CCDC81: variants seen among roughly 807,000 people sequenced by gnomAD.
CCDC81 encodes coiled-coil domain-containing protein 81.
Under a neutral mutation model 83.7 loss-of-function variants are expected in CCDC81, and 79 were observed. The ratio of observed to expected loss-of-function variants is 0.94; its 90% CI spans 0.79 to 1.14. The LOEUF (loss-of-function observed/expected upper bound fraction) is 1.14, where lower values mean the gene tolerates loss of function less well. Among genes scored for constraint, CCDC81 ranks in the 50% most tolerant of loss-of-function variants. The probability of loss-of-function intolerance (pLI) is 0.00; values close to 1 mark genes in which losing one functional copy is unlikely to be tolerated. For synonymous variants in CCDC81, 252 were observed against 278.1 expected, an observed-to-expected ratio of 0.91 and a Z score of 0.93; for missense variants, 791 against 778.1, an observed-to-expected ratio of 1.02 and a Z score of -0.20.
intron 3 of CCDC81, among the ~76,000 whole-genome samples, chr11:86,391,972 C>G (rs1412048308): frequency 6.6e-6 from 1 of 152,272 alleles, no homozygotes; most frequent in East Asian, 1.9e-4. Flanking sequence ...GTGCTACACA[C>G]TTTTAAACAA....
intron 1 of CCDC81, among the ~76,000 whole-genome samples, chr11:86,379,759 TGGAGTCCA>T (rs1948151317): frequency 2.0e-5 from 3 of 152,138 alleles, no homozygotes; most frequent in African/African-American, 7.2e-5. Context: ...GGAGAATCGC[TGGAGTCCA>T]GGAGTCCAGG....
At chr11:86,398,900 C>G (rs1948445487) in intron 6 of CCDC81, among the ~76,000 whole-genome samples, 2 of 152,112 alleles carry the variant, frequency 1.3e-5, no homozygotes, top group South Asian at 4.1e-4. Context: ...GTCCTAGGGA[C>G]CCCAAAAAGT....
At chr11:86,402,767 C>T (rs757178608) in intron 7 of CCDC81, among the ~76,000 whole-genome samples, 9 of 151,990 alleles carry the variant, frequency 5.9e-5, no homozygotes, top group Admixed American at 2.6e-4. Context: ...TTGCTAATAC[C>T]ATAGCAAAGT....
intron 13 of CCDC81, among the ~76,000 whole-genome samples, chr11:86,415,540 A>G (rs1425337167): frequency 6.6e-6 from 1 of 152,198 alleles, no homozygotes; most frequent in Non-Finnish European, 1.5e-5. Flanking sequence ...AAATGTTATT[A>G]AATAAATTTT....
chr11:86,403,330 A>G (rs1235667362), intron 7 of CCDC81, among the ~76,000 whole-genome samples: 1 of 152,036 alleles, frequency 6.6e-6, no homozygotes, highest in East Asian at 1.9e-4. Context: ...GTATGTTTTA[A>G]ACATTTTCCC....
At chr11:86,397,520 C>CA in intron 5 of CCDC81, 101 bp from the exon 6 acceptor site, 1 of 1,413,340 alleles carries the variant, frequency 7.1e-7, no homozygotes, top group South Asian at 1.4e-5. Context: ...GGGCTTATTT[C>CA]AGAATCAGCC....
At chr11:86,376,520 C>T (rs2138481484) in intron 1 of CCDC81, among the ~76,000 whole-genome samples, 1 of 152,232 alleles carries the variant, frequency 6.6e-6, no homozygotes, top group South Asian at 2.1e-4. Context: ...CCAGGGGAAA[C>T]TGCCATTTAT....
At chr11:86,376,516 G>A (rs1948100794) in intron 1 of CCDC81, among the ~76,000 whole-genome samples, 1 of 152,112 alleles carries the variant, frequency 6.6e-6, no homozygotes, top group Admixed American at 6.5e-5. Flanking sequence ...GGGACCAGGG[G>A]AAACTGCCAT....
rs529341073 is a variant in CCDC81, at chr11:86,408,359, G to T, written c.1113+89G>T. 11 of 1,220,148 alleles carry T rather than the reference G, an allele frequency of 9.0e-6. No homozygotes were observed. The Admixed American group carries it at 1.3e-4, about 15-fold the overall frequency. The allele number at this position is 1,220,148 out of a possible 1,614,324, so 75.6% of individuals were successfully genotyped here. A position where few individuals can be genotyped will look rare whatever the true frequency, so the allele number is the denominator to read the frequency against. The stretch of plus-strand genomic sequence containing the variant: ...TATTATTATTTTTTATTGGCGCAGG[G>T]TCTCACTCTGTCACCCAGGTTGGAA... On this transcript the variant is annotated intron_variant, in intron 9 of 14. Transcript: ENST00000445632.
At chr11:86,390,547 C>G (rs546346393) in intron 3 of CCDC81, among the ~76,000 whole-genome samples, 1 of 152,268 alleles carries the variant, frequency 6.6e-6, no homozygotes, top group Admixed American at 6.5e-5. Context: ...TAGAAAGATA[C>G]TCTTTCAGTT....
At position 86,422,758 on chromosome 11, in the gene CCDC81, C is replaced by T. The variant is rs758160938; in HGVS notation, c.*43C>T. The T allele has an allele frequency of 6.3e-7, 1 of 1,588,888 alleles. No individual in the cohort carries two copies. The highest frequency in any genetic ancestry group is 1.1e-5 in the South Asian group (1 of 89,098). On this transcript the variant is annotated 3_prime_UTR_variant, in exon 15 of 15. Coordinates refer to ENST00000445632, the MANE Select transcript of CCDC81 (RefSeq NM_001156474.2). Reference sequence around the variant, plus strand: ...TTCGTTTCCCGGGGAAAGTTTTTATCTTTTACATGTTTGGGGGTGATTGTG... The same window carrying T: ...TTCGTTTCCCGGGGAAAGTTTTTATTTTTTACATGTTTGGGGGTGATTGTG...
At chr11:86,390,390 A>G (rs1290480010) in intron 3 of CCDC81, among the ~76,000 whole-genome samples, 1 of 152,190 alleles carries the variant, frequency 6.6e-6, no homozygotes. Context: ...GGAGGCAGGC[A>G]GAGGAAGATA....
At chr11:86,410,458 G>A (rs1055413837) in intron 10 of CCDC81, among the ~76,000 whole-genome samples, 3 of 152,118 alleles carry the variant, frequency 2.0e-5, no homozygotes, top group South Asian at 2.1e-4. Flanking sequence ...AGCAAAAGAA[G>A]AGATTCATTA....
intron 1 of CCDC81, among the ~76,000 whole-genome samples, chr11:86,380,584 CCTT>C (rs1204058379): frequency 6.6e-6 from 1 of 152,142 alleles, no homozygotes; most frequent in Admixed American, 6.5e-5. Flanking sequence ...TGGGTACACA[CCTT>C]CTGTAGTTGC....
chr11:86,399,381 T>C (rs1388459239), intron 6 of CCDC81, among the ~76,000 whole-genome samples: 2 of 152,200 alleles, frequency 1.3e-5, no homozygotes, highest in Non-Finnish European at 2.9e-5. Flanking sequence ...GAGTGCACTG[T>C]CTTGGCTCAC....
At chr11:86,400,137 A>AG (rs1948466631) in intron 6 of CCDC81, among the ~76,000 whole-genome samples, 1 of 147,052 alleles carries the variant, frequency 6.8e-6, no homozygotes, top group Non-Finnish European at 1.5e-5. Context: ...TCTCAAAAAA[A>AG]AAAAAAAAAA....
At chr11:86,391,752 T>G (rs1230626285) in intron 3 of CCDC81, among the ~76,000 whole-genome samples, 1 of 152,224 alleles carries the variant, frequency 6.6e-6, no homozygotes, top group African/African-American at 2.4e-5. Context: ...GATAGGCAAA[T>G]GTATCAGTTC....
intron 9 of CCDC81, 24 bp downstream of exon 9, chr11:86,408,294 T>C (rs980465424): frequency 6.3e-7 from 1 of 1,592,634 alleles, no homozygotes. Flanking sequence ...TCGATTAGTC[T>C]TTAATATGGG....
At chr11:86,416,076 T>C (rs889591784) in intron 13 of CCDC81, among the ~76,000 whole-genome samples, 1 of 152,230 alleles carries the variant, frequency 6.6e-6, no homozygotes, top group Non-Finnish European at 1.5e-5. Flanking sequence ...CATCATTTCA[T>C]GTGCCTATTT....
Sources: gnomAD v4.1 joint callset for allele counts (sites outside exome capture counted in the v4.1 genomes callset) on GRCh38, gnomAD v4.1.1 for gene constraint, MANE v1.5 for transcripts, NCBI Gene and HGNC (gene_info 2026-07-23, HGNC 2026-07-21) for gene names.